OTOG: variants seen among roughly 807,000 people sequenced by gnomAD.
The protein encoded by OTOG is otogelin.
Under a neutral mutation model 313.8 loss-of-function variants are expected in OTOG, and 296 were observed. That is an observed-to-expected ratio of 0.94 (90% CI 0.86 to 1.04). OTOG has a LOEUF of 1.04. OTOG is among the 50% of genes least tolerant of loss of function. The pLI is 0.00. For synonymous variants in OTOG, 1,533 were observed against 1,554.9 expected (o/e 0.99, Z 0.33); for missense variants, 3,948 against 3,840.1 (o/e 1.03, Z -0.74).
Position 17,629,159 on chromosome 11 carries a change from G to A in OTOG, c.6555G>A (p.Trp2185Ter), listed in dbSNP as rs1193023501. The change falls in exon 40 of 56, where the codon TGG (tryptophan) becomes TGA (stop). Residue 2185 changes from tryptophan (W) to a stop codon, truncating the protein, a stop_gained. Transcript: ENST00000399397. LOFTEE classifies it high-confidence loss of function. Reference sequence around the variant, plus strand: ...TGACTGTGGACTTGCAGCCTGTGTGGCCACCGGTGAGCAGGTATGGATTCA... The same window carrying A: ...TGACTGTGGACTTGCAGCCTGTGTGACCACCGGTGAGCAGGTATGGATTCA... ...RKVTVDLQPV[W>*]PPVSRYGFRI... 3 of 1,550,348 alleles carry A rather than the reference G, an allele frequency of 1.9e-6. No homozygotes were observed. Among genetic ancestry groups the A allele is most frequent in the Non-Finnish European group, 2.6e-6 (3 of 1,146,862 alleles).
At position 17,629,188 on chromosome 11, in the gene OTOG, T is replaced by C. The variant is rs1854055522; in HGVS notation, c.6584T>C (p.Ile2195Thr). The C allele has an allele frequency of 6.4e-7, 1 of 1,550,586 alleles. No homozygotes were observed. The highest frequency in any genetic ancestry group is 8.7e-7 in the Non-Finnish European group (1 of 1,146,988). ...WPPVSRYGFR[I>T]EDTGHMYMIL... ...CCGGTGAGCAGGTATGGATTCAGAA[T>C]TGAGGACACAGGCCACATGTACATG... is the stretch of plus-strand genomic sequence containing the variant. Residue 2195 changes from isoleucine to threonine, a missense_variant, in exon 40 of 56, where the codon ATT becomes ACT. Physicochemically the swap from Ile to Thr is moderately conservative, Grantham distance 89. Transcript: ENST00000399397.
Position 17,628,956 on chromosome 11 carries a change from C to T in OTOG, c.6529-177C>T, listed in dbSNP as rs564030644. Among the ~76,000 whole-genome samples the T allele has an allele frequency of 2.0e-4, 31 of 152,324 alleles. 1 individual carries two copies. Among genetic ancestry groups the T allele is most frequent in the East Asian group, 7.7e-4 (4 of 5,192 alleles). On this transcript the variant is annotated intron_variant, in intron 39 of 55. Coordinates refer to ENST00000399397, the MANE Select transcript of OTOG (RefSeq NM_001292063.2). ...CAGAAACCTCACATGCCACTTTCGA[C>T]GGTGATTTGGCTGCATGTGCCTGAA... is the stretch of plus-strand genomic sequence containing the variant.
At chr11:17,596,202 C>A in intron 29 of OTOG, 48 bp downstream of exon 29, 2 of 1,331,972 alleles carry the variant, frequency 1.5e-6, no homozygotes, top group South Asian at 1.3e-5. Context: ...CCTCCACTGT[C>A]CTGGGATCCC....
At chr11:17,556,334 G>A (rs1852057364) in intron 7 of OTOG, among the ~76,000 whole-genome samples, 2 of 152,196 alleles carry the variant, frequency 1.3e-5, no homozygotes, top group South Asian at 4.1e-4. Context: ...ATGCTTGGAG[G>A]ACCACCAGAG....
At chr11:17,633,325 G>A (rs1026444398) in intron 42 of OTOG, among the ~76,000 whole-genome samples, 1 of 152,246 alleles carries the variant, frequency 6.6e-6, no homozygotes, top group African/African-American at 2.4e-5. Flanking sequence ...GAGCCAGAAA[G>A]TAAGTATTTG....
At chr11:17,613,168 C>CCTTTTCTTTCTTTCTTTCTTTCTTTCTTT (rs1853606057) in intron 38 of OTOG, among the ~76,000 whole-genome samples, 1 of 136,726 alleles carries the variant, frequency 7.3e-6, no homozygotes, top group African/African-American at 3.0e-5. Context: ...TTCTCTTCTC[C>CCTTTTCTTTCTTTCTTTCTTTCTTTCTTT]CTTTTCTTTC....
chr11:17,601,830 C>T (rs1013548336), intron 31 of OTOG, among the ~76,000 whole-genome samples: 5 of 152,092 alleles, frequency 3.3e-5, no homozygotes, highest in African/African-American at 4.8e-5. Flanking sequence ...GGGCAGAAAC[C>T]GGGTCTGACG....
rs780716158 is a variant in OTOG, at chr11:17,633,766, C to T, written c.7159C>T (p.Pro2387Ser). ...PKTCQDGILGPLDPEHCQVLG... is the reference protein window; with the variant it reads ...PKTCQDGILGSLDPEHCQVLG... ...GACATGCCAGGATGGGATACTAGGGCCTCTGGACCCAGAGCACTGCCAGGT... is the reference window on the plus strand; with the variant it reads ...GACATGCCAGGATGGGATACTAGGGTCTCTGGACCCAGAGCACTGCCAGGT... The change falls in exon 43 of 56, where the codon CCT becomes TCT. Residue 2387 changes from proline (P) to serine (S), a missense_variant. Transcript: ENST00000399397. 32 of 1,550,402 alleles carry T rather than the reference C, an allele frequency of 2.1e-5. No individual in the cohort carries two copies. The African/African-American group carries it at 3.6e-4, about 17-fold the overall frequency.
Position 17,570,083 on chromosome 11 carries a change from G to A in OTOG, c.1778-130G>A, listed in dbSNP as rs1852370324. The stretch of plus-strand genomic sequence containing the variant: ...ATACCAGCTTCATGGCAGGCACGCA[G>A]GCAGGCAGGCAGGCAGGGGGCGAAG... On this transcript the variant is annotated intron_variant, in intron 16 of 55. Transcript: ENST00000399397. 4.4e-5 allele frequency: 29 copies of A among 665,998 alleles called. No individual in the cohort carries two copies. The South Asian group carries it at 6.4e-4, about 15-fold the overall frequency. 41.3% of individuals were successfully genotyped at this position (665,998 alleles called of 1,614,324 possible).
intron 3 of OTOG, among the ~76,000 whole-genome samples, chr11:17,550,384 C>T (rs1368077997): frequency 6.6e-6 from 1 of 151,984 alleles, no homozygotes; most frequent in East Asian, 1.9e-4. Context: ...TAACCTTATC[C>T]TTTATTTTAT....
intron 54 of OTOG, 23 bp downstream of exon 54, chr11:17,643,529 C>T: frequency 7.4e-7 from 1 of 1,346,542 alleles, no homozygotes; most frequent in Non-Finnish European, 9.6e-7. Flanking sequence ...GGTGGGGGCC[C>T]AGGGGTGGGG....
At chr11:17,561,307 C>T (rs947680552) in intron 14 of OTOG, among the ~76,000 whole-genome samples, 170 bp downstream of exon 14, 1 of 152,238 alleles carries the variant, frequency 6.6e-6, no homozygotes, top group South Asian at 2.1e-4. Context: ...TAAGGTCTGG[C>T]TCCAGCCCCT....
Position 17,561,122 on chromosome 11 carries a change from A to G in OTOG, c.1483A>G (p.Thr495Ala). The G allele has an allele frequency of 6.4e-7, 1 of 1,550,568 alleles. No individual in the cohort carries two copies. Among genetic ancestry groups the G allele is most frequent in the Non-Finnish European group, 8.7e-7 (1 of 1,146,968 alleles). Residue 495 changes from threonine to alanine, a missense_variant, in exon 14 of 56, where the codon ACA becomes GCA. By Grantham distance (58) the Thr-to-Ala change is moderately conservative. Coordinates refer to ENST00000399397, the MANE Select transcript of OTOG (RefSeq NM_001292063.2). ...CACCTCAGGCAAGTGGGAGTGCAGC[A>G]CAGCTGTCTGCCCAGGTATGTCTGC... ...TCTSGKWECS[T>A]AVCPAECSVT... is the part of the protein sequence containing the mutation.
At chr11:17,559,510 G>T (rs1852131093) in intron 11 of OTOG, 24 bp from the exon 12 acceptor site, 1 of 1,550,436 alleles carries the variant, frequency 6.4e-7, no homozygotes. Flanking sequence ...GTAGCTGAGA[G>T]ACCATGGATC....
rs1854200670 is a variant in OTOG at position 17,634,124 on chromosome 11, C to T, written c.7323C>T (p.Ser2441=). The change falls in exon 44 of 56, where the codon TCC becomes TCT. Residue 2441 remains serine, a synonymous_variant. Transcript: ENST00000399397. Reference sequence around the variant, plus strand: ...CCCTGGGGGAGACCTGGAACAGCTCCCTCAGCGGCTGCTGCCAGCACCAGT... The same window carrying T: ...CCCTGGGGGAGACCTGGAACAGCTCTCTCAGCGGCTGCTGCCAGCACCAGT... The part of the protein sequence containing the change: ...PRALGETWNS[S]LSGCCQHQCQ... 1 of 1,549,174 alleles carries T rather than the reference C, an allele frequency of 6.5e-7. No individual in the cohort carries two copies. Among genetic ancestry groups the T allele is most frequent in the Non-Finnish European group, 8.7e-7 (1 of 1,146,942 alleles).
At position 17,638,564 on chromosome 11, in the gene OTOG, A is replaced by T. The variant is rs935846815; in HGVS notation, c.7894+15A>T. The T allele has an allele frequency of 3.9e-5, 60 of 1,548,250 alleles. No individual in the cohort carries two copies. Among genetic ancestry groups the T allele is most frequent in the Non-Finnish European group, 4.9e-5 (56 of 1,145,268 alleles). The stretch of plus-strand genomic sequence containing the variant: ...CAAATCCTGTGGTGAGTCCGTGGTC[A>T]GGACAGCCTCCCCGCTGGGAGATCC... On this transcript the variant is annotated intron_variant, in intron 48 of 55. Transcript: ENST00000399397.
chr11:17,608,365 T>A lies in OTOG; in HGVS notation c.4226T>A (p.Phe1409Tyr). The A allele has an allele frequency of 6.5e-7, 1 of 1,547,154 alleles. No individual in the cohort carries two copies. The highest frequency in any genetic ancestry group is 8.7e-7 in the Non-Finnish European group (1 of 1,145,696). ...WRYDACASPC[F>Y]QTCRDPRAAS... ...TACGATGCCTGTGCCAGCCCCTGCT[T>A]CCAAACCTGCCGGGACCCACGGGCA... Residue 1409 changes from phenylalanine (F) to tyrosine (Y), a missense_variant, in exon 34 of 56, where the codon TTC becomes TAC. Phe to Tyr is a conservative substitution (Grantham distance 22). Transcript: ENST00000399397.
At chr11:17,570,120 C>A (rs1048228797) in intron 16 of OTOG, 93 bp from the exon 17 acceptor site, 4 of 1,169,140 alleles carry the variant, frequency 3.4e-6, no homozygotes, top group Non-Finnish European at 4.9e-6. Flanking sequence ...CTGGGCCGGG[C>A]GTGGGAGTCT....
intron 40 of OTOG, 125 bp from the exon 41 acceptor site, chr11:17,631,577 C>G: frequency 2.6e-6 from 2 of 781,852 alleles, no homozygotes; most frequent in Non-Finnish European, 4.1e-6. Context: ...ATTTCCCTCA[C>G]CTATAAAATG....
Sources: gnomAD v4.1 joint callset for allele counts (sites outside exome capture counted in the v4.1 genomes callset) on GRCh38, gnomAD v4.1.1 for gene constraint, MANE v1.5 for transcripts, NCBI Gene and HGNC (gene_info 2026-07-23, HGNC 2026-07-21) for gene names.